ROBO2: variants seen among roughly 807,000 people sequenced by gnomAD.
ROBO2 encodes roundabout guidance receptor 2, also known as roundabout homolog 2.
ROBO2 carries 53 observed loss-of-function variants against 160.8 expected under a neutral mutation model. The ratio of observed to expected loss-of-function variants is 0.33; its 90% CI spans 0.26 to 0.41. The LOEUF (loss-of-function observed/expected upper bound fraction) is 0.41, where lower values mean the gene tolerates loss of function less well. Among genes scored for constraint, ROBO2 ranks in the 10% least tolerant of loss-of-function variants. The pLI is 1.00. For missense variants in ROBO2, 1,577 were observed against 1,722.4 expected (o/e 0.92, Z 1.49); for synonymous variants, 664 against 611.7 (o/e 1.09, Z -1.26).
chr3:76,481,295 G>C (rs2079192116), intron 2 of ROBO2, among the ~76,000 whole-genome samples: 1 of 152,086 alleles, frequency 6.6e-6, no homozygotes. Flanking sequence ...AATTGTAATT[G>C]CGGGAGGGAA....
At chr3:76,446,812 T>C (rs1304417443) in intron 2 of ROBO2, among the ~76,000 whole-genome samples, 1 of 152,162 alleles carries the variant, frequency 6.6e-6, no homozygotes, top group African/African-American at 2.4e-5. Context: ...ATTTAATAAA[T>C]GGTGCTGGGA....
intron 2 of ROBO2, among the ~76,000 whole-genome samples, chr3:76,027,300 C>G (rs1358587854): frequency 6.6e-6 from 1 of 151,882 alleles, no homozygotes; most frequent in East Asian, 1.9e-4. Context: ...TCTTGTACCT[C>G]CCAGTCACCT....
intron 2 of ROBO2, among the ~76,000 whole-genome samples, chr3:76,152,448 T>A (rs2072248030): frequency 6.6e-6 from 1 of 152,126 alleles, no homozygotes; most frequent in Admixed American, 6.6e-5. Flanking sequence ...AACTAGTAAA[T>A]CTTTCAGAGG....
intron 2 of ROBO2, among the ~76,000 whole-genome samples, chr3:76,795,925 G>T (rs1417768718): frequency 6.6e-6 from 1 of 152,062 alleles, no homozygotes; most frequent in Non-Finnish European, 1.5e-5. Context: ...TTGCAGAATG[G>T]ATATTGCATT....
intron 2 of ROBO2, among the ~76,000 whole-genome samples, chr3:76,567,776 T>G (rs2084677010): frequency 1.3e-5 from 1 of 78,604 alleles, no homozygotes; most frequent in African/African-American, 4.9e-5. Context: ...TGTGTGTGTG[T>G]GTGTGTGTGT....
intron 2 of ROBO2, among the ~76,000 whole-genome samples, chr3:76,804,109 A>C (rs1286744955): frequency 6.6e-6 from 1 of 152,188 alleles, no homozygotes; most frequent in Non-Finnish European, 1.5e-5. Flanking sequence ...GGTGATCAAG[A>C]GTGATGGTCA....
At chr3:76,793,920 C>T (rs1195366126) in intron 2 of ROBO2, among the ~76,000 whole-genome samples, 1 of 151,830 alleles carries the variant, frequency 6.6e-6, no homozygotes, top group Non-Finnish European at 1.5e-5. Context: ...AATCTTTATC[C>T]TATTTGATTT....
chr3:76,276,946 T>A (rs1707960044), intron 2 of ROBO2, among the ~76,000 whole-genome samples: 1 of 152,062 alleles, frequency 6.6e-6, no homozygotes, highest in Non-Finnish European at 1.5e-5. Flanking sequence ...ATTCTAAACA[T>A]GAAATTCATT....
intron 1 of ROBO2, among the ~76,000 whole-genome samples, chr3:77,069,385 CAT>C (rs959831532): frequency 4.6e-5 from 7 of 152,092 alleles, no homozygotes; most frequent in African/African-American, 1.4e-4. Flanking sequence ...TCTTCATAAT[CAT>C]GTGGGAGAAT....
chr3:77,451,526 A>G (rs1490962536), intron 2 of ROBO2, among the ~76,000 whole-genome samples: 1 of 152,118 alleles, frequency 6.6e-6, no homozygotes, highest in African/African-American at 2.4e-5. Context: ...TTGCATCCCA[A>G]TGCTAGCTAG....
At chr3:77,199,800 T>G (rs537839272) in intron 2 of ROBO2, among the ~76,000 whole-genome samples, 2,106 of 142,688 alleles carry the variant, frequency 0.015, 45 homozygotes, top group African/African-American at 0.054. Context: ...TTTTTTTTTT[T>G]GTTGTTTATA....
intron 2 of ROBO2, among the ~76,000 whole-genome samples, chr3:76,990,058 G>T (rs573747757): frequency 1.4e-5 from 2 of 145,098 alleles, no homozygotes; most frequent in East Asian, 4.4e-4. Flanking sequence ...CCAGTAACTT[G>T]TATTATGAAA....
At chr3:76,089,090 A>T (rs2108079504) in intron 2 of ROBO2, among the ~76,000 whole-genome samples, 1 of 152,196 alleles carries the variant, frequency 6.6e-6, no homozygotes, top group African/African-American at 2.4e-5. Flanking sequence ...AATCCAAATA[A>T]AATTGACCAA....
At chr3:76,610,607 T>C (rs1197102708) in intron 2 of ROBO2, among the ~76,000 whole-genome samples, 2 of 152,172 alleles carry the variant, frequency 1.3e-5, no homozygotes, top group East Asian at 3.9e-4. Context: ...AGTGGGAGCA[T>C]GTCACAGCTC....
At chr3:76,025,710 A>G (rs933465706) in intron 2 of ROBO2, among the ~76,000 whole-genome samples, 2 of 151,798 alleles carry the variant, frequency 1.3e-5, no homozygotes, top group African/African-American at 4.8e-5. Flanking sequence ...GCGTGTCAGC[A>G]TATCTCAGAG....
chr3:76,433,621 G>A (rs2076535893), intron 2 of ROBO2, among the ~76,000 whole-genome samples: 2 of 152,140 alleles, frequency 1.3e-5, no homozygotes, highest in South Asian at 2.1e-4. Context: ...GTATTTGTAC[G>A]TGGATGTGTG....
intron 2 of ROBO2, among the ~76,000 whole-genome samples, chr3:76,625,676 A>G (rs1443618062): frequency 1.3e-5 from 2 of 152,300 alleles, no homozygotes; most frequent in East Asian, 3.9e-4. Flanking sequence ...CCAGAACTTC[A>G]ATATGCTTGA....
chr3:76,638,290 A>T (rs1239732137), intron 2 of ROBO2, among the ~76,000 whole-genome samples: 4 of 152,186 alleles, frequency 2.6e-5, no homozygotes, highest in African/African-American at 9.7e-5. Context: ...TGGTAATTTG[A>T]TTATCTGATA....
chr3:76,235,578 T>C (rs1393873564), intron 2 of ROBO2, among the ~76,000 whole-genome samples: 5 of 152,088 alleles, frequency 3.3e-5, no homozygotes, highest in Non-Finnish European at 7.4e-5. Context: ...TGAATTAGTA[T>C]TGAAGAAACC....
Sources: allele counts gnomAD v4.1 joint callset (sites outside exome capture counted in the v4.1 genomes callset), GRCh38; gene constraint gnomAD v4.1.1; transcripts MANE v1.5; gene names NCBI Gene and HGNC (gene_info 2026-07-23, HGNC 2026-07-21).